MTMR12: variants seen among roughly 807,000 people sequenced by gnomAD.
MTMR12 encodes myotubularin-related protein 12.
In MTMR12, 33 loss-of-function variants were observed where a neutral mutation model predicts 96.7. That is an observed-to-expected ratio of 0.34 (90% CI 0.26 to 0.46). The LOEUF (loss-of-function observed/expected upper bound fraction) is 0.46. Among genes scored for constraint, MTMR12 ranks in the 20% least tolerant of loss-of-function variants. The probability of loss-of-function intolerance (pLI) is 1.00; values close to 1 mark genes in which losing one functional copy is unlikely to be tolerated. For synonymous variants in MTMR12, 298 were observed against 327.2 expected (o/e 0.91, Z 0.96); for missense variants, 721 against 896.1 (o/e 0.80, Z 2.49).
intron 1 of MTMR12, among the ~76,000 whole-genome samples, chr5:32,304,529 A>C (rs1751280012): frequency 6.6e-6 from 1 of 152,188 alleles, no homozygotes; most frequent in African/African-American, 2.4e-5. Flanking sequence ...GAAGTTTTTT[A>C]GCCCTTATGA....
In MTMR12 at chr5:32,248,847, G is replaced by A; in HGVS notation, c.821C>T (p.Ala274Val). 6.2e-7 allele frequency: 1 copy of A among 1,614,090 alleles called. No homozygotes were observed. Among genetic ancestry groups the A allele is most frequent in the Non-Finnish European group, 8.5e-7 (1 of 1,179,990 alleles). The change falls in exon 9 of 16, where the codon GCC (alanine) becomes GTC (valine). Residue 274 changes from alanine (A) to valine (V), a missense_variant. Physicochemically the swap from Ala to Val is moderately conservative, Grantham distance 64. Coordinates refer to ENST00000382142, the MANE Select transcript of MTMR12 (RefSeq NM_001040446.3). ...IWCWSCHNGS[A>V]LLKMSALPKE... ...GGGCAGTGCTGACATTTTCAAAAGG[G>A]CACTTCCATTGTGGCAGGACCAACA... is the stretch of plus-strand genomic sequence containing the variant.
Position 32,255,675 on chromosome 5 carries a change from G to T in MTMR12, c.789+18C>A, listed in dbSNP as rs1418368802. 6.3e-7 allele frequency: 1 copy of T among 1,598,096 alleles called. No homozygotes were observed. Among genetic ancestry groups the T allele is most frequent in the East Asian group, 2.2e-5 (1 of 44,696 alleles). ...CAATGCACAACCCACACCTTTCAGG[G>T]TTCCCAGATGCACTTACTGGTATGC... On this transcript the variant is annotated intron_variant, in intron 8 of 15. Transcript: ENST00000382142.
At chr5:32,243,154 T>C (rs1192370883) in intron 11 of MTMR12, among the ~76,000 whole-genome samples, 1 of 152,198 alleles carries the variant, frequency 6.6e-6, no homozygotes, top group East Asian at 1.9e-4. Context: ...AGATAATATA[T>C]GCGTAAGACA....
intron 1 of MTMR12, among the ~76,000 whole-genome samples, chr5:32,308,608 C>CTTTTT (rs796324515): frequency 6.8e-6 from 1 of 147,258 alleles, no homozygotes; most frequent in Non-Finnish European, 1.5e-5. Context: ...CCTTTATCTT[C>CTTTTT]TTTTTTTTTT....
chr5:32,276,834 C>A, intron 1 of MTMR12, 92 bp from the exon 2 acceptor site: 5 of 633,300 alleles, frequency 7.9e-6, no homozygotes, highest in Admixed American at 2.8e-5. Flanking sequence ...ACTAAAATAT[C>A]ACATACCCTC....
At chr5:32,246,281 C>A (rs1452476719) in intron 10 of MTMR12, among the ~76,000 whole-genome samples, 2 of 151,242 alleles carry the variant, frequency 1.3e-5, no homozygotes, top group Non-Finnish European at 2.9e-5. Flanking sequence ...CCTGCCTCAG[C>A]CCCTCCAAGT....
chr5:32,304,320 CA>C (rs528197677), intron 1 of MTMR12, among the ~76,000 whole-genome samples: 84 of 132,932 alleles, frequency 6.3e-4, no homozygotes, highest in Admixed American at 7.6e-4. Flanking sequence ...ACTCCGTCTC[CA>C]AAAAAAAAAA....
rs1031065808 is a variant in MTMR12, at chr5:32,227,425, T to C, written c.*2353A>G. On this transcript the variant is annotated 3_prime_UTR_variant, in exon 16 of 16. Coordinates refer to ENST00000382142, the MANE Select transcript of MTMR12 (RefSeq NM_001040446.3). Reference sequence around the variant, plus strand: ...TCAAATATAAATACAAAAATTGTCATGACCTTACACGTTACAACAGCTTAT... The same window carrying C: ...TCAAATATAAATACAAAAATTGTCACGACCTTACACGTTACAACAGCTTAT... 2.0e-5 allele frequency: 3 copies of C among 152,654 alleles called. No individual in the cohort carries two copies. The highest frequency in any genetic ancestry group is 4.8e-5 in the African/African-American group (2 of 41,458). 9.5% of individuals were successfully genotyped at this position (152,654 alleles called of 1,614,324 possible).
intron 1 of MTMR12, among the ~76,000 whole-genome samples, chr5:32,298,240 T>C (rs779152630): frequency 3.3e-5 from 5 of 151,924 alleles, no homozygotes; most frequent in Non-Finnish European, 4.4e-5. Context: ...CACCAGGAGA[T>C]GCTAGACAGA....
chr5:32,260,251 T>C (rs1749310809), intron 7 of MTMR12, among the ~76,000 whole-genome samples: 1 of 150,806 alleles, frequency 6.6e-6, no homozygotes, highest in African/African-American at 2.4e-5. Context: ...GGCTCTGTTC[T>C]ATACCAAGAA....
chr5:32,230,996 G>A (rs1185211099), intron 15 of MTMR12, among the ~76,000 whole-genome samples: 1 of 152,170 alleles, frequency 6.6e-6, no homozygotes, highest in Non-Finnish European at 1.5e-5. Context: ...CAACCTGCAT[G>A]GAGTAGAAAA....
chr5:32,281,167 G>A (rs1414726594), intron 1 of MTMR12, among the ~76,000 whole-genome samples: 1 of 148,860 alleles, frequency 6.7e-6, no homozygotes, highest in African/African-American at 2.5e-5. Flanking sequence ...AAAATAGCTT[G>A]AACCCGGGAG....
intron 3 of MTMR12, among the ~76,000 whole-genome samples, chr5:32,273,235 AC>A (rs773601581): frequency 2.6e-5 from 4 of 152,172 alleles, no homozygotes; most frequent in Non-Finnish European, 5.9e-5. Context: ...CCCTGCCTCT[AC>A]CAAAAATAAC....
intron 8 of MTMR12, 120 bp downstream of exon 8, chr5:32,255,573 G>T: frequency 1.1e-6 from 1 of 904,996 alleles, no homozygotes; most frequent in Non-Finnish European, 1.6e-6. Context: ...AGATATTTCT[G>T]GATTGTTCTT....
Position 32,229,897 on chromosome 5 carries a change from C to G in MTMR12, c.2125G>C (p.Ala709Pro). 2.5e-6 allele frequency: 4 copies of G among 1,613,142 alleles called. No homozygotes were observed. Among genetic ancestry groups the G allele is most frequent in the Non-Finnish European group, 3.4e-6 (4 of 1,179,426 alleles). The change falls in exon 16 of 16, where the codon GCT becomes CCT. Residue 709 changes from alanine to proline, a missense_variant. By Grantham distance (27) the Ala-to-Pro change is conservative. Transcript: ENST00000382142. ...TTAGAGGAATGTCGCTGGAGCAGAG[C>G]GAAAGGAAACAAAGACGAGAGGCGG... ...SARLSSLFPF[A>P]LLQRHSSKPV... is the part of the protein sequence containing the mutation.
At chr5:32,266,817 T>C (rs140013219) in intron 6 of MTMR12, among the ~76,000 whole-genome samples, 7,105 of 152,018 alleles carry the variant, frequency 0.047, 306 homozygotes, top group African/African-American at 0.11. Context: ...AGCTGGCTCA[T>C]ACCTGTAATC....
chr5:32,278,690 T>C (rs908679901), intron 1 of MTMR12, among the ~76,000 whole-genome samples: 6 of 152,174 alleles, frequency 3.9e-5, no homozygotes, highest in African/African-American at 1.4e-4. Context: ...TCTGATTTTG[T>C]AAAAAGCTCC....
intron 7 of MTMR12, among the ~76,000 whole-genome samples, chr5:32,260,266 G>A (rs995891048): frequency 4.0e-5 from 6 of 151,516 alleles, no homozygotes; most frequent in Admixed American, 3.3e-4. Context: ...CAAGAACAGC[G>A]GGAAGCCACT....
intron 1 of MTMR12, among the ~76,000 whole-genome samples, chr5:32,307,297 C>A (rs187878973): frequency 5.3e-5 from 8 of 152,186 alleles, no homozygotes; most frequent in Admixed American, 1.3e-4. Flanking sequence ...GGATTTGGTA[C>A]CCAAACTATA....
Sources: gnomAD v4.1 joint callset for allele counts (sites outside exome capture counted in the v4.1 genomes callset) on GRCh38, gnomAD v4.1.1 for gene constraint, MANE v1.5 for transcripts, NCBI Gene and HGNC (gene_info 2026-07-23, HGNC 2026-07-21) for gene names.